DCTN5: variants seen among roughly 807,000 people sequenced by gnomAD.
DCTN5 encodes the protein dynactin 4.
Under a neutral mutation model 23.5 loss-of-function variants are expected in DCTN5, and 14 were observed. The observed-to-expected ratio is 0.60, with a 90% CI of 0.39 to 0.93. DCTN5 has a LOEUF of 0.93. Ranked by LOEUF, DCTN5 falls within the 40% of genes least tolerant of loss-of-function variation. DCTN5 has a pLI of 0.00. For missense variants in DCTN5, 156 were observed against 225.9 expected (o/e 0.69, Z 1.98); for synonymous variants, 67 against 79.6 (o/e 0.84, Z 0.84).
Position 23,666,699 on chromosome 16 carries a change from T to C in DCTN5, c.452-348T>C, listed in dbSNP as rs1054260202. ...CTGAGTGGTTTAATTGTTTTTCCAATTAAAAAATAAATCTCATCTCTCAGA... is the reference window on the plus strand; with the variant it reads ...CTGAGTGGTTTAATTGTTTTTCCAACTAAAAAATAAATCTCATCTCTCAGA... On this transcript the variant is annotated intron_variant, in intron 5 of 5. Transcript: ENST00000300087. The C allele has an allele frequency of 1.2e-5, 5 of 402,194 alleles. No homozygotes were observed. In the Admixed American group the frequency reaches 2.1e-4, roughly 17 times the overall value. The allele number at this position is 402,194 out of a possible 1,614,324, so 24.9% of individuals were successfully genotyped here.
chr16:23,645,137 A>ATATTTTT (rs1555462995), intron 2 of DCTN5, among the ~76,000 whole-genome samples: 3 of 30,804 alleles, frequency 9.7e-5, no homozygotes, highest in African/African-American at 1.3e-4. Context: ...ATATATATAT[A>ATATTTTT]TTTTTTTTTT....
rs1343596617 is a variant in DCTN5, at chr16:23,677,144, C to G, written c.*10000C>G. On this transcript the variant is annotated 3_prime_UTR_variant, in exon 6 of 6. Transcript: ENST00000300087. ...TACACCTGGTTTCCCTGGACTTTGTCCATGCGCTTTTTTCCTTTGCTGATT... is the reference window on the plus strand; with the variant it reads ...TACACCTGGTTTCCCTGGACTTTGTGCATGCGCTTTTTTCCTTTGCTGATT... The G allele has an allele frequency of 6.6e-6, 1 of 152,192 alleles. No homozygotes were observed. The highest frequency in any genetic ancestry group is 2.4e-5 in the African/African-American group (1 of 41,430). The allele number at this position is 152,192 out of a possible 1,614,324, so 9.4% of individuals were successfully genotyped here. A position where few individuals can be genotyped will look rare whatever the true frequency, so the allele number is the denominator to read the frequency against.
intron 2 of DCTN5, among the ~76,000 whole-genome samples, chr16:23,643,275 T>G (rs1438028348): frequency 6.6e-6 from 1 of 151,782 alleles, no homozygotes; most frequent in Admixed American, 6.6e-5. Flanking sequence ...CGCTGCAACC[T>G]CCGTCTCCCA....
intron 2 of DCTN5, among the ~76,000 whole-genome samples, chr16:23,657,849 A>G (rs888464843): frequency 1.2e-4 from 18 of 152,324 alleles, no homozygotes; most frequent in Admixed American, 3.3e-4. Context: ...ATCTACTTGC[A>G]TGTCCCTTGC....
chr16:23,652,352 A>C (rs1049200796), intron 2 of DCTN5, among the ~76,000 whole-genome samples: 3 of 152,150 alleles, frequency 2.0e-5, no homozygotes, highest in African/African-American at 7.2e-5. Flanking sequence ...AACATTTCAA[A>C]ATTTAATTGG....
chr16:23,660,695 C>T (rs1391773145), intron 3 of DCTN5, among the ~76,000 whole-genome samples: 1 of 152,184 alleles, frequency 6.6e-6, no homozygotes, highest in African/African-American at 2.4e-5. Context: ...TATTATAGCC[C>T]TAATTTCTAG....
Position 23,667,530 on chromosome 16 carries a change from T to A in DCTN5, c.*386T>A, listed in dbSNP as rs1356550986. Reference sequence around the variant, plus strand: ...TGTGGAGGCTATGTAGCTGGTGCGCTGCTCACGGCCATTCACTGCCCATGC... The same window carrying A: ...TGTGGAGGCTATGTAGCTGGTGCGCAGCTCACGGCCATTCACTGCCCATGC... On this transcript the variant is annotated 3_prime_UTR_variant, in exon 6 of 6. Transcript: ENST00000300087. The A allele has an allele frequency of 5.2e-6, 1 of 191,944 alleles. No homozygotes were observed. Among genetic ancestry groups the A allele is most frequent in the African/African-American group, 2.3e-5 (1 of 43,274 alleles). The allele number at this position is 191,944 out of a possible 1,614,324, so 11.9% of individuals were successfully genotyped here. A position where few individuals can be genotyped will look rare whatever the true frequency, so the allele number is the denominator to read the frequency against.
chr16:23,654,556 T>C (rs1039355588), intron 2 of DCTN5, among the ~76,000 whole-genome samples: 5 of 152,170 alleles, frequency 3.3e-5, no homozygotes, highest in African/African-American at 1.2e-4. Context: ...CAAACCTCCA[T>C]GACACAAGTT....
chr16:23,662,322 C>G (rs754191797), intron 4 of DCTN5, among the ~76,000 whole-genome samples: 8 of 152,042 alleles, frequency 5.3e-5, no homozygotes, highest in Non-Finnish European at 8.8e-5. Context: ...AGGGTGCAAG[C>G]GGGCCCCTTG....
chr16:23,659,814 C>T (rs1018184513), intron 3 of DCTN5, among the ~76,000 whole-genome samples: 1 of 152,074 alleles, frequency 6.6e-6, no homozygotes, highest in South Asian at 2.1e-4. Context: ...AGGGGAAAAC[C>T]AGAAAACCTC....
chr16:23,648,388 C>T (rs930464496), intron 2 of DCTN5, among the ~76,000 whole-genome samples: 28 of 133,408 alleles, frequency 2.1e-4, no homozygotes, highest in Non-Finnish European at 3.4e-4. Context: ...CTCGCTGTGT[C>T]GCCTGGGCTA....
chr16:23,650,813 G>T, intron 2 of DCTN5: 1 of 1,518,872 alleles, frequency 6.6e-7, no homozygotes, highest in Non-Finnish European at 8.8e-7. Context: ...TGCCTGCAGG[G>T]ATAGAAAGAG....
At chr16:23,642,651 TA>T (rs201390063) in intron 1 of DCTN5, 40 of 247,714 alleles carry the variant, frequency 1.6e-4, no homozygotes, top group Non-Finnish European at 1.6e-5. Context: ...CCCGGCTAAT[TA>T]AAAAATTTTT....
rs986052355 is a variant in DCTN5, at chr16:23,673,883, T to A, written c.*6739T>A. 4.6e-5 allele frequency: 7 copies of A among 152,238 alleles called. No individual in the cohort carries two copies. The highest frequency in any genetic ancestry group is 1.7e-4 in the African/African-American group (7 of 41,468). The allele number at this position is 152,238 out of a possible 1,614,324, so 9.4% of individuals were successfully genotyped here. Reference sequence around the variant, plus strand: ...ATACAGTTAAATTGCTAATGAACCCTTGTCAAAATCAAATGTCTCCCCTTA... The same window carrying A: ...ATACAGTTAAATTGCTAATGAACCCATGTCAAAATCAAATGTCTCCCCTTA... On this transcript the variant is annotated 3_prime_UTR_variant, in exon 6 of 6. Coordinates refer to ENST00000300087, the MANE Select transcript of DCTN5 (RefSeq NM_032486.4).
intron 1 of DCTN5, among the ~76,000 whole-genome samples, 186 bp downstream of exon 1, chr16:23,641,776 C>G (rs1597107481): frequency 1.3e-5 from 2 of 152,134 alleles, no homozygotes; most frequent in African/African-American, 4.8e-5. Context: ...CAGTTGAGGC[C>G]TTTTGTATTT....
At chr16:23,665,345 A>G (rs372864859) in intron 4 of DCTN5, among the ~76,000 whole-genome samples, 16 of 152,324 alleles carry the variant, frequency 1.1e-4, no homozygotes, top group African/African-American at 3.4e-4. Context: ...ATCAAAGGGA[A>G]AATTCAACAG....
chr16:23,665,604 A>G (rs762616489), intron 4 of DCTN5, 22 bp from the exon 5 acceptor site: 17 of 1,604,424 alleles, frequency 1.1e-5, no homozygotes, highest in Non-Finnish European at 1.4e-5. Context: ...TCCATTTCCT[A>G]TTAACAAGAT....
chr16:23,645,137 A>ATTTTT lies in DCTN5; in HGVS notation c.117+2124_117+2128dup, dbSNP rs869033729. On this transcript the variant is annotated intron_variant, in intron 2 of 5. Coordinates refer to ENST00000300087, the MANE Select transcript of DCTN5 (RefSeq NM_032486.4). ...TATATATATATATATATATATATAT[A>ATTTTT]TTTTTTTTTTTTTTAATACGCAGTT... Among the ~76,000 whole-genome samples the ATTTTT allele has an allele frequency of 5.8e-3, 180 of 30,780 alleles. 23 individuals are homozygous for ATTTTT. Among genetic ancestry groups the ATTTTT allele is most frequent in the African/African-American group, 7.6e-3 (58 of 7,654 alleles). The allele number at this position is 30,780 out of a possible 152,430, so 20.2% of individuals were successfully genotyped here.
At position 23,657,002 on chromosome 16, in the gene DCTN5, A is replaced by AT. The variant is rs1447518840; in HGVS notation, c.118-1505_118-1504insT. 4.0e-5 allele frequency among the ~76,000 whole-genome samples: 6 copies of AT among 151,842 alleles called. No homozygotes were observed. In the South Asian group the frequency reaches 1.0e-3, roughly 26 times the overall value. On this transcript the variant is annotated intron_variant, in intron 2 of 5. Coordinates refer to ENST00000300087, the MANE Select transcript of DCTN5 (RefSeq NM_032486.4). ...AAGACTCCATCTCAAAAAAAAAAAA[A>AT]AATAAAGACTCATTATCTATTTTTA...
Sources: allele counts gnomAD v4.1 joint callset (sites outside exome capture counted in the v4.1 genomes callset), GRCh38; gene constraint gnomAD v4.1.1; transcripts MANE v1.5; gene names NCBI Gene and HGNC (gene_info 2026-07-23, HGNC 2026-07-21).